TIMP3: variants seen among roughly 807,000 people sequenced by gnomAD.
The protein encoded by TIMP3 is TIMP metallopeptidase inhibitor 3, also known as metalloproteinase inhibitor 3.
TIMP3 carries 11 observed loss-of-function variants against 30.0 expected under a neutral mutation model. The ratio of observed to expected loss-of-function variants is 0.37; its 90% CI spans 0.23 to 0.61. TIMP3 has a LOEUF of 0.61. Among genes scored for constraint, TIMP3 ranks in the 20% least tolerant of loss-of-function variants. The probability of loss-of-function intolerance (pLI) is 0.70; values close to 1 mark genes in which losing one functional copy is unlikely to be tolerated. For synonymous variants in TIMP3, 112 were observed against 111.3 expected, an observed-to-expected ratio of 1.01 and a Z score of -0.04; for missense variants, 181 against 276.8, an observed-to-expected ratio of 0.65 and a Z score of 2.45.
chr22:32,829,353 G>A (rs1371336592), intron 1 of TIMP3, among the ~76,000 whole-genome samples: 2 of 152,200 alleles, frequency 1.3e-5, no homozygotes, highest in African/African-American at 2.4e-5. Flanking sequence ...AACAGTGGAC[G>A]GAGCAAGGCA....
At chr22:32,823,226 T>C (rs1224068132) in intron 1 of TIMP3, among the ~76,000 whole-genome samples, 2 of 152,162 alleles carry the variant, frequency 1.3e-5, no homozygotes, top group African/African-American at 4.8e-5. Context: ...ACCTTCTGGC[T>C]CCTGGTGGGA....
rs909339629 is a variant in TIMP3, at chr22:32,862,609, G to A, written c.*3232G>A. On this transcript the variant is annotated 3_prime_UTR_variant, in exon 5 of 5. Transcript: ENST00000266085. The stretch of plus-strand genomic sequence containing the variant: ...TACCTAAGGTTAACATGTCACTAGA[G>A]TATTTTTATGAGAGACAAACATTAT... The A allele has an allele frequency of 6.6e-6, 1 of 152,196 alleles. No homozygotes were observed. The highest frequency in any genetic ancestry group is 2.4e-5 in the African/African-American group (1 of 41,442). 9.4% of individuals were successfully genotyped at this position (152,196 alleles called of 1,614,324 possible).
At chr22:32,829,177 T>C (rs900459968) in intron 1 of TIMP3, among the ~76,000 whole-genome samples, 3 of 152,152 alleles carry the variant, frequency 2.0e-5, no homozygotes, top group Admixed American at 1.3e-4. Flanking sequence ...CCCCATCCCA[T>C]TGCCGGCTTT....
At chr22:32,803,009 C>T (rs918636134) in intron 1 of TIMP3, among the ~76,000 whole-genome samples, 1 of 152,072 alleles carries the variant, frequency 6.6e-6, no homozygotes, top group Non-Finnish European at 1.5e-5. Flanking sequence ...TATGGAGGGC[C>T]CCGAGAGCAT....
intron 1 of TIMP3, among the ~76,000 whole-genome samples, chr22:32,829,425 G>C (rs2047509602): frequency 6.6e-6 from 1 of 152,210 alleles, no homozygotes; most frequent in African/African-American, 2.4e-5. Flanking sequence ...GACAGAGGGG[G>C]TGGGGTCCCC....
chr22:32,848,879 A>G (rs987814862), intron 1 of TIMP3, among the ~76,000 whole-genome samples: 2 of 131,640 alleles, frequency 1.5e-5, no homozygotes, highest in Non-Finnish European at 3.2e-5. Context: ...CTCAGACTCT[A>G]TTGCATCCCT....
intron 1 of TIMP3, 112 bp downstream of exon 1, chr22:32,802,234 A>G: frequency 1.4e-6 from 2 of 1,451,304 alleles, no homozygotes; most frequent in South Asian, 1.3e-5. Context: ...AGAGGGGCAG[A>G]CGGGGTTGGG....
In TIMP3 at chr22:32,814,133, TGTGTGTGTGAGAGAGA is replaced by T. The variant is rs1246799845; in HGVS notation, c.121+12013_121+12028del. The stretch of plus-strand genomic sequence containing the variant: ...GTGTGTGTGTGTGTGTGTGTGTGTG[TGTGTGTGTGAGAGAGA>T]GAGAGAGAGAGAGAGAGAAAGAGAA... On this transcript the variant is annotated intron_variant, in intron 1 of 4. Coordinates refer to ENST00000266085, the MANE Select transcript of TIMP3 (RefSeq NM_000362.5). Among the ~76,000 whole-genome samples the T allele has an allele frequency of 9.1e-3, 685 of 75,644 alleles. 8 individuals carry two copies. The highest frequency in any genetic ancestry group is 0.025 in the African/African-American group (588 of 23,888). 49.6% of individuals were successfully genotyped at this position (75,644 alleles called of 152,430 possible).
At chr22:32,820,264 G>A (rs1036594852) in intron 1 of TIMP3, among the ~76,000 whole-genome samples, 7 of 144,834 alleles carry the variant, frequency 4.8e-5, no homozygotes, top group Non-Finnish European at 7.7e-5. Flanking sequence ...GTGTGTGTGC[G>A]TGCGCGTGTG....
intron 2 of TIMP3, among the ~76,000 whole-genome samples, chr22:32,856,505 G>A (rs1366363138): frequency 6.6e-6 from 1 of 152,124 alleles, no homozygotes; most frequent in Non-Finnish European, 1.5e-5. Context: ...TGGGTACTGA[G>A]ACTCCTCTCC....
intron 1 of TIMP3, among the ~76,000 whole-genome samples, chr22:32,803,825 T>G (rs2046654135): frequency 6.6e-6 from 1 of 152,200 alleles, no homozygotes; most frequent in South Asian, 2.1e-4. Flanking sequence ...GAAAATGGGC[T>G]GGGTGACTTC....
intron 1 of TIMP3, among the ~76,000 whole-genome samples, chr22:32,824,745 GT>G (rs2047351999): frequency 1.3e-5 from 2 of 152,134 alleles, no homozygotes; most frequent in African/African-American, 4.8e-5. Context: ...TTTCGATGTT[GT>G]TCTTTCGCTT....
intron 1 of TIMP3, among the ~76,000 whole-genome samples, chr22:32,822,615 A>G (rs373351443): frequency 1.8e-4 from 28 of 152,328 alleles, no homozygotes; most frequent in African/African-American, 6.7e-4. Context: ...AAATTAATCT[A>G]AATGTCTATT....
At chr22:32,810,145 AGGT>A (rs2046877571) in intron 1 of TIMP3, among the ~76,000 whole-genome samples, 1 of 152,224 alleles carries the variant, frequency 6.6e-6, no homozygotes, top group Non-Finnish European at 1.5e-5. Flanking sequence ...GGAGGCCCAC[AGGT>A]GTCTATGTGG....
At position 32,837,633 on chromosome 22, in the gene TIMP3, G is replaced by C. The variant is rs1003515996; in HGVS notation, c.122-11819G>C. On this transcript the variant is annotated intron_variant, in intron 1 of 4. Transcript: ENST00000266085. The surrounding 1 kb of genome is among the most constrained non-coding windows in gnomAD (Gnocchi z 4.1). ...GGTTCTGATGCAAAGACCCAGGCTT[G>C]TTTCTAGGGGTTTCTTGGGGCTTCG... 6.6e-6 allele frequency among the ~76,000 whole-genome samples: 1 copy of C among 152,168 alleles called. No homozygotes were observed. The highest frequency in any genetic ancestry group is 2.1e-4 in the South Asian group (1 of 4,830).
intron 1 of TIMP3, among the ~76,000 whole-genome samples, chr22:32,813,515 AC>A (rs57015080): frequency 3.4e-5 from 5 of 147,370 alleles, no homozygotes; most frequent in African/African-American, 1.3e-4. Context: ...ACACACACAC[AC>A]ACACACACAC....
chr22:32,859,337 C>T lies in TIMP3; in HGVS notation c.596C>T (p.Ala199Val), dbSNP rs767754232. The stretch of plus-strand genomic sequence containing the variant: ...TACTGCAGCTGGTACCGAGGATGGG[C>T]CCCCCCGGATAAAAGCATCATCAAT... The part of the protein sequence containing the change: ...GGYCSWYRGW[A>V]PPDKSIINAT... The change falls in exon 5 of 5, where the codon GCC becomes GTC. Residue 199 changes from alanine to valine, a missense_variant. Transcript: ENST00000266085. The T allele has an allele frequency of 1.9e-6, 3 of 1,612,354 alleles. No homozygotes were observed. The highest frequency in any genetic ancestry group is 3.3e-5 in the Admixed American group (2 of 59,982).
rs1307919667 is a variant in TIMP3 at position 32,837,329 on chromosome 22, G to T, written c.122-12123G>T. Among the ~76,000 whole-genome samples the T allele has an allele frequency of 6.6e-6, 1 of 152,152 alleles. No homozygotes were observed. The highest frequency in any genetic ancestry group is 1.5e-5 in the Non-Finnish European group (1 of 68,026). On this transcript the variant is annotated intron_variant, in intron 1 of 4. Coordinates refer to ENST00000266085, the MANE Select transcript of TIMP3 (RefSeq NM_000362.5). This position sits in a 1 kb window ranked among gnomAD's most constrained non-coding sequence, Gnocchi z 4.1. ...GGAGCACTCTCAGGGGATAGGGGGTGGTCTCAGCCCCCCTCACCGAGTGCA... is the reference window on the plus strand; with the variant it reads ...GGAGCACTCTCAGGGGATAGGGGGTTGTCTCAGCCCCCCTCACCGAGTGCA...
chr22:32,815,125 T>A (rs1569246119), intron 1 of TIMP3, among the ~76,000 whole-genome samples: 1 of 152,358 alleles, frequency 6.6e-6, no homozygotes, highest in East Asian at 1.9e-4. Context: ...CAGGTCAAGA[T>A]AACATTTGCA....
Sources: gnomAD v4.1 joint callset for allele counts (sites outside exome capture counted in the v4.1 genomes callset) on GRCh38, gnomAD v4.1.1 for gene constraint, Gnocchi (gnomAD v3.1) non-coding constraint, MANE v1.5 for transcripts, NCBI Gene and HGNC (gene_info 2026-07-23, HGNC 2026-07-21) for gene names.